The following DNAH11 variants were observed in gnomAD, a reference collection of about 807,000 sequenced individuals.
DNAH11 encodes the protein dynein axonemal heavy chain 11, also known as axonemal beta dynein heavy chain 11.
DNAH11 carries 442 observed loss-of-function variants against 526.0 expected under a neutral mutation model. The ratio of observed to expected loss-of-function variants is 0.84; its 90% CI spans 0.78 to 0.91. DNAH11 has a LOEUF of 0.91. Ranked by LOEUF, DNAH11 falls within the 40% of genes least tolerant of loss-of-function variation. DNAH11 has a pLI of 0.00. For synonymous variants in DNAH11, 2,461 were observed against 1,935.9 expected (o/e 1.27, Z -7.12); for missense variants, 6,989 against 5,448.7 (o/e 1.28, Z -8.90).
intron 40 of DNAH11, among the ~76,000 whole-genome samples, chr7:21,708,828 A>G (rs571876086): frequency 1.3e-5 from 2 of 152,312 alleles, no homozygotes; most frequent in East Asian, 3.9e-4. Context: ...GAAATGTCAT[A>G]TCAGAGAAGA....
chr7:21,768,875 A>C (rs928831144), intron 55 of DNAH11, among the ~76,000 whole-genome samples: 1 of 152,234 alleles, frequency 6.6e-6, no homozygotes. Context: ...CTATCTTAGC[A>C]GAGTTTCTAT....
chr7:21,584,511 G>A (rs112224266), intron 9 of DNAH11, among the ~76,000 whole-genome samples: 74 of 152,160 alleles, frequency 4.9e-4, no homozygotes, highest in African/African-American at 1.5e-3. Context: ...AAACCAGCAT[G>A]GCACATGTAT....
In DNAH11 at chr7:21,807,907, T is replaced by G; in HGVS notation, c.10190T>G (p.Ile3397Ser). The change falls in exon 63 of 82, where the codon ATT becomes AGT. Residue 3397 changes from isoleucine to serine, a missense_variant. Ile to Ser is a moderately radical substitution (Grantham distance 142). Transcript: ENST00000409508. ...EAKKIRWGQSIKSFEAQEKTL... is the reference protein window; with the variant it reads ...EAKKIRWGQSSKSFEAQEKTL... ...GAGAAGATTCGCTGGGGTCAATCCATTAAGTCCTTTGAAGCTCAAGAGAAG... is the reference window on the plus strand; with the variant it reads ...GAGAAGATTCGCTGGGGTCAATCCAGTAAGTCCTTTGAAGCTCAAGAGAAG... The G allele has an allele frequency of 6.2e-7, 1 of 1,605,828 alleles. No homozygotes were observed. Among genetic ancestry groups the G allele is most frequent in the Non-Finnish European group, 8.5e-7 (1 of 1,173,808 alleles).
intron 6 of DNAH11, 100 bp downstream of exon 6, chr7:21,564,497 C>CTT (rs1269086296): frequency 1.2e-5 from 9 of 775,282 alleles, no homozygotes; most frequent in Admixed American, 6.8e-5. Flanking sequence ...AGAACACCAT[C>CTT]TTTCTTTTTC....
chr7:21,603,813 G>A (rs1001759573), intron 18 of DNAH11, among the ~76,000 whole-genome samples: 4 of 152,158 alleles, frequency 2.6e-5, no homozygotes, highest in African/African-American at 9.7e-5. Flanking sequence ...ATATCTCATA[G>A]AGAAAGTAGT....
chr7:21,604,759 G>A (rs1024471529), intron 18 of DNAH11, among the ~76,000 whole-genome samples: 4 of 152,150 alleles, frequency 2.6e-5, no homozygotes, highest in Non-Finnish European at 5.9e-5. Context: ...GGGATAAGGG[G>A]ACCTGAGCTC....
intron 36 of DNAH11, among the ~76,000 whole-genome samples, chr7:21,699,875 G>T (rs893345771): frequency 9.2e-5 from 14 of 151,944 alleles, no homozygotes; most frequent in Non-Finnish European, 1.9e-4. Flanking sequence ...GAATGTGTAA[G>T]ATTCAAAACA....
chr7:21,710,408 C>T, intron 40 of DNAH11, 145 bp from the exon 41 acceptor site: 1 of 603,408 alleles, frequency 1.7e-6, no homozygotes, highest in Non-Finnish European at 2.8e-6. Context: ...AATCTGGAAC[C>T]CATGTGTGGC....
At chr7:21,556,904 T>C (rs1783242276) in intron 2 of DNAH11, among the ~76,000 whole-genome samples, 1 of 151,966 alleles carries the variant, frequency 6.6e-6, no homozygotes, top group Non-Finnish European at 1.5e-5. Flanking sequence ...TCTACTAAAA[T>C]ACGAAAACTA....
chr7:21,835,452 G>T (rs1330944727), intron 65 of DNAH11, among the ~76,000 whole-genome samples: 1 of 152,074 alleles, frequency 6.6e-6, no homozygotes, highest in Non-Finnish European at 1.5e-5. Context: ...TGCAAGAGTG[G>T]TTCAACATAC....
At chr7:21,575,773 C>T (rs556570525) in intron 8 of DNAH11, among the ~76,000 whole-genome samples, 78 of 152,254 alleles carry the variant, frequency 5.1e-4, no homozygotes, top group Middle Eastern at 6.8e-3. Flanking sequence ...CTGGCATATA[C>T]ATATATTTAT....
chr7:21,865,121 AC>A (rs1453167807), intron 70 of DNAH11, among the ~76,000 whole-genome samples: 8 of 150,888 alleles, frequency 5.3e-5, no homozygotes, highest in Admixed American at 6.6e-5. Flanking sequence ...GAAATAAGTG[AC>A]AGTTGCCTTA....
At chr7:21,792,818 T>C (rs1022750723) in intron 61 of DNAH11, among the ~76,000 whole-genome samples, 4 of 152,242 alleles carry the variant, frequency 2.6e-5, no homozygotes, top group African/African-American at 7.2e-5. Context: ...TGTTTATCTT[T>C]TGAAAAAATG....
Position 21,707,784 on chromosome 7 carries a change from A to G in DNAH11, c.6632A>G (p.Asp2211Gly). The G allele has an allele frequency of 6.2e-7, 1 of 1,612,798 alleles. No individual in the cohort carries two copies. Among genetic ancestry groups the G allele is most frequent in the Non-Finnish European group, 8.5e-7 (1 of 1,179,384 alleles). The change falls in exon 40 of 82, where the codon GAT becomes GGT. Residue 2211 changes from aspartate (D) to glycine (G), a missense_variant. Physicochemically the swap from Asp to Gly is moderately conservative, Grantham distance 94 (BLOSUM62 -1). Coordinates refer to ENST00000409508, the MANE Select transcript of DNAH11 (RefSeq NM_001277115.2). Reference protein sequence around the residue: ...NDLNPKAVTTDELFGFIHHAT... With the variant: ...NDLNPKAVTTGELFGFIHHAT... ...TTAAACCCTAAAGCTGTGACAACAG[A>G]TGAACTCTTTGGTTTCATACATCAT...
intron 81 of DNAH11, 122 bp from the exon 82 acceptor site, chr7:21,900,885 C>A (rs1784775591): frequency 6.8e-7 from 1 of 1,463,726 alleles, no homozygotes; most frequent in South Asian, 1.6e-5. Context: ...AAAAATACCA[C>A]TGACAAGCAA....
At chr7:21,599,110 A>G (rs748697840) in intron 14 of DNAH11, among the ~76,000 whole-genome samples, 5 of 152,168 alleles carry the variant, frequency 3.3e-5, no homozygotes, top group Non-Finnish European at 5.9e-5. Flanking sequence ...CAGTGATGGG[A>G]TTGCTGGGTC....
chr7:21,578,022 G>A (rs994498263), intron 8 of DNAH11, among the ~76,000 whole-genome samples: 1 of 152,088 alleles, frequency 6.6e-6, no homozygotes, highest in Non-Finnish European at 1.5e-5. Flanking sequence ...AGCATAACTG[G>A]GAGGCCTCAG....
At chr7:21,869,067 G>C (rs1193306927) in intron 73 of DNAH11, 76 bp downstream of exon 73, 1 of 1,592,654 alleles carries the variant, frequency 6.3e-7, no homozygotes, top group Non-Finnish European at 8.5e-7. Flanking sequence ...CCGCCCAACA[G>C]AATGCTCCCT....
At chr7:21,592,212 T>G (rs1262071123) in intron 14 of DNAH11, among the ~76,000 whole-genome samples, 1 of 152,190 alleles carries the variant, frequency 6.6e-6, no homozygotes, top group Non-Finnish European at 1.5e-5. Context: ...CAAATAGATA[T>G]GTCAGTTGTA....
Sources: allele counts gnomAD v4.1 joint callset (sites outside exome capture counted in the v4.1 genomes callset), GRCh38; gene constraint gnomAD v4.1.1; transcripts MANE v1.5; gene names NCBI Gene and HGNC (gene_info 2026-07-23, HGNC 2026-07-21).